GDPD4: variants seen among roughly 807,000 people sequenced by gnomAD.
The protein encoded by GDPD4 is glycerophosphodiester phosphodiesterase 6.
A neutral mutation model predicts 67.8 loss-of-function variants in GDPD4; 60 were observed. The ratio of observed to expected loss-of-function variants is 0.88; its 90% CI spans 0.72 to 1.10. GDPD4 has a LOEUF of 1.10. Among genes scored for constraint, GDPD4 ranks in the 50% least tolerant of loss-of-function variants. The pLI is 0.00. For synonymous variants in GDPD4, 212 were observed against 210.9 expected (o/e 1.00, Z -0.04); for missense variants, 623 against 613.9 (o/e 1.01, Z -0.16).
intron 13 of GDPD4, among the ~76,000 whole-genome samples, chr11:77,236,042 G>C (rs1441439806): frequency 5.4e-5 from 8 of 147,796 alleles, no homozygotes; most frequent in African/African-American, 2.0e-4. Context: ...AAAATAAAAA[G>C]AGAGGGAAGG....
At chr11:77,294,011 A>C (rs2135896309) in intron 1 of GDPD4, among the ~76,000 whole-genome samples, 1 of 152,358 alleles carries the variant, frequency 6.6e-6, no homozygotes. Flanking sequence ...TTCTACAAAA[A>C]ACTTAGAATT....
chr11:77,219,350 G>A (rs539057027), intron 16 of GDPD4, among the ~76,000 whole-genome samples: 4 of 152,120 alleles, frequency 2.6e-5, no homozygotes, highest in African/African-American at 9.7e-5. Context: ...CACTCCGATG[G>A]CAGTTTGTTT....
intron 13 of GDPD4, among the ~76,000 whole-genome samples, chr11:77,235,009 G>GGTTTTTTTTTTT (rs1958524240): frequency 1.7e-4 from 9 of 52,262 alleles, no homozygotes; most frequent in Non-Finnish European, 2.2e-4. Context: ...GTCAATATCT[G>GGTTTTTTTTTTT]TTTTTTTTTT....
intron 10 of GDPD4, among the ~76,000 whole-genome samples, chr11:77,263,883 T>G (rs1261727027): frequency 6.6e-6 from 1 of 152,176 alleles, no homozygotes. Context: ...AGGCGGAGAC[T>G]GCATTAGTAG....
At chr11:77,300,718 A>G (rs1375608731) in intron 1 of GDPD4, among the ~76,000 whole-genome samples, 2 of 152,264 alleles carry the variant, frequency 1.3e-5, no homozygotes, top group African/African-American at 4.8e-5. Flanking sequence ...TCTTAAGAAT[A>G]TATCTTCTGA....
intron 13 of GDPD4, 96 bp from the exon 14 acceptor site, chr11:77,233,268 C>T: frequency 8.4e-7 from 1 of 1,190,520 alleles, no homozygotes; most frequent in Non-Finnish European, 1.2e-6. Flanking sequence ...AGGCTGTTGC[C>T]TAAATCACCA....
At chr11:77,226,608 C>T (rs1046323462) in intron 16 of GDPD4, among the ~76,000 whole-genome samples, 2 of 152,168 alleles carry the variant, frequency 1.3e-5, no homozygotes, top group Admixed American at 6.5e-5. Context: ...GTTCAAGCCA[C>T]CCAGTCTATG....
At chr11:77,274,985 T>C (rs1306179636) in intron 5 of GDPD4, among the ~76,000 whole-genome samples, 1 of 152,158 alleles carries the variant, frequency 6.6e-6, no homozygotes, top group Non-Finnish European at 1.5e-5. Flanking sequence ...TACAGTAAGG[T>C]GACTACAGTT....
chr11:77,224,883 C>T (rs1958296872), intron 16 of GDPD4, among the ~76,000 whole-genome samples: 1 of 151,214 alleles, frequency 6.6e-6, no homozygotes, highest in Admixed American at 6.6e-5. Context: ...AAGCCGACTG[C>T]TTGAGGTCAG....
chr11:77,251,269 AT>A (rs539891008), intron 11 of GDPD4, among the ~76,000 whole-genome samples: 20 of 150,342 alleles, frequency 1.3e-4, no homozygotes, highest in Admixed American at 1.1e-3. Context: ...AAAAGGTTTG[AT>A]TTTTTTTTCT....
At chr11:77,257,507 C>G (rs1479064014) in intron 11 of GDPD4, among the ~76,000 whole-genome samples, 1 of 134,884 alleles carries the variant, frequency 7.4e-6, no homozygotes, top group Non-Finnish European at 1.7e-5. Context: ...ACTTCCTACC[C>G]CTCTTCCTTC....
At chr11:77,218,008 GT>G (rs58709754) in intron 16 of GDPD4, among the ~76,000 whole-genome samples, 2,348 of 151,168 alleles carry the variant, frequency 0.016, 59 homozygotes, top group African/African-American at 0.055. Flanking sequence ...ATTTTTAAAA[GT>G]TTTTTAGTTG....
rs181732582 is a variant in GDPD4, at chr11:77,228,571, G to A, written c.1472+579C>T. On this transcript the variant is annotated intron_variant, in intron 15 of 16. Transcript: ENST00000315938. ...CAGGCACCTGTAATCCCAGCTACTC[G>A]GGAGGCTGAGGCAGGAGAATCACTT... Among the ~76,000 whole-genome samples, 1,036 of 149,042 alleles carry A rather than the reference G, an allele frequency of 7.0e-3. 11 individuals carry two copies. Among genetic ancestry groups the A allele is most frequent in the African/African-American group, 0.024 (980 of 40,366 alleles).
At chr11:77,292,058 T>G (rs1937795539) in intron 1 of GDPD4, among the ~76,000 whole-genome samples, 1 of 152,072 alleles carries the variant, frequency 6.6e-6, no homozygotes, top group Admixed American at 6.5e-5. Flanking sequence ...TTATTCATAC[T>G]TGATGTGTTT....
At chr11:77,266,380 A>G (rs991804448) in intron 10 of GDPD4, among the ~76,000 whole-genome samples, 1 of 152,174 alleles carries the variant, frequency 6.6e-6, no homozygotes, top group African/African-American at 2.4e-5. Flanking sequence ...CTGTAAACAA[A>G]CCTGTACAGC....
chr11:77,267,744 T>C (rs1256098760), intron 10 of GDPD4, among the ~76,000 whole-genome samples: 1 of 152,188 alleles, frequency 6.6e-6, no homozygotes, highest in South Asian at 2.1e-4. Flanking sequence ...TTTACAAATA[T>C]TGTCTCCCAG....
At chr11:77,301,025 T>A (rs1010422267) in intron 1 of GDPD4, among the ~76,000 whole-genome samples, 3 of 152,200 alleles carry the variant, frequency 2.0e-5, no homozygotes, top group African/African-American at 7.2e-5. Flanking sequence ...CACCATTGTC[T>A]ACACACCTGC....
intron 10 of GDPD4, among the ~76,000 whole-genome samples, chr11:77,263,775 C>T (rs1456496417): frequency 6.6e-6 from 1 of 152,060 alleles, no homozygotes; most frequent in African/African-American, 2.4e-5. Context: ...ACATTTTGTT[C>T]ATCATGGATG....
chr11:77,217,496 C>T (rs1389030816), intron 16 of GDPD4, among the ~76,000 whole-genome samples, 182 bp from the exon 17 acceptor site: 1 of 116,784 alleles, frequency 8.6e-6, no homozygotes, highest in African/African-American at 3.2e-5. Flanking sequence ...TCCAATTCAG[C>T]CTGGGGCTGG....
Sources: gnomAD v4.1 joint callset for allele counts (sites outside exome capture counted in the v4.1 genomes callset) on GRCh38, gnomAD v4.1.1 for gene constraint, MANE v1.5 for transcripts, NCBI Gene and HGNC (gene_info 2026-07-23, HGNC 2026-07-21) for gene names.